Variants in HS3ST5 observed in about 807,000 individuals in gnomAD.
HS3ST5 encodes the protein heparan sulfate glucosamine 3-O-sulfotransferase 5.
HS3ST5 carries 10 observed loss-of-function variants against 25.4 expected under a neutral mutation model. The ratio of observed to expected loss-of-function variants is 0.39; its 90% CI spans 0.24 to 0.67. The LOEUF (loss-of-function observed/expected upper bound fraction) is 0.67, where lower values mean the gene tolerates loss of function less well. Among genes scored for constraint, HS3ST5 ranks in the 30% least tolerant of loss-of-function variants. HS3ST5 has a pLI of 0.44. For synonymous variants in HS3ST5, 170 were observed against 162.4 expected (o/e 1.05, Z -0.36); for missense variants, 324 against 420.7 (o/e 0.77, Z 2.01).
chr6:114,292,160 C>T (rs752287200), intron 1 of HS3ST5, among the ~76,000 whole-genome samples: 3 of 152,100 alleles, frequency 2.0e-5, no homozygotes, highest in Admixed American at 6.6e-5. Flanking sequence ...TATTGTAGCC[C>T]TTTGTAGACA....
intron 1 of HS3ST5, among the ~76,000 whole-genome samples, chr6:114,280,944 A>C (rs1338037105): frequency 6.6e-6 from 1 of 152,028 alleles, no homozygotes; most frequent in African/African-American, 2.4e-5. Flanking sequence ...GAGGGCACAC[A>C]CTTCTGCTTC....
rs1037118749 is a variant in HS3ST5 at position 114,056,538 on chromosome 6, A to G, written c.*719T>C. On this transcript the variant is annotated 3_prime_UTR_variant, in exon 5 of 5. Coordinates refer to ENST00000312719, the MANE Select transcript of HS3ST5 (RefSeq NM_153612.4). ...CACAATAAATTAAATAGCCATATTC[A>G]GTTTACAAAATAGAATTACTTAGTG... The G allele has an allele frequency of 6.6e-6, 1 of 152,206 alleles. No individual in the cohort carries two copies. Among genetic ancestry groups the G allele is most frequent in the Admixed American group, 6.5e-5 (1 of 15,288 alleles). The allele number at this position is 152,206 out of a possible 1,614,324, so 9.4% of individuals were successfully genotyped here. A position where few individuals can be genotyped will look rare whatever the true frequency, so the allele number is the denominator to read the frequency against.
At chr6:114,319,973 T>C (rs1775898827) in intron 1 of HS3ST5, among the ~76,000 whole-genome samples, 1 of 152,014 alleles carries the variant, frequency 6.6e-6, no homozygotes, top group Non-Finnish European at 1.5e-5. Flanking sequence ...AGTTTTTCAT[T>C]TGCATCCTTT....
intron 3 of HS3ST5, among the ~76,000 whole-genome samples, chr6:114,118,814 T>A (rs1776651085): frequency 6.6e-6 from 1 of 152,188 alleles, no homozygotes; most frequent in African/African-American, 2.4e-5. Context: ...AAATGGCACA[T>A]GTTACCTCTA....
chr6:114,115,997 G>A (rs142984318), intron 3 of HS3ST5: 79 of 151,992 alleles, frequency 5.2e-4, no homozygotes, highest in African/African-American at 1.9e-3. Context: ...TGATACTAAA[G>A]CATAAAATAA....
intron 3 of HS3ST5, among the ~76,000 whole-genome samples, chr6:114,070,901 G>T (rs1454409954): frequency 6.6e-6 from 1 of 152,152 alleles, no homozygotes; most frequent in Non-Finnish European, 1.5e-5. Context: ...GAGCTCCCAG[G>T]TGGTATCCCC....
intron 1 of HS3ST5, among the ~76,000 whole-genome samples, chr6:114,286,170 GA>G (rs1240346228): frequency 1.1e-4 from 17 of 151,720 alleles, no homozygotes; most frequent in South Asian, 8.3e-4. Flanking sequence ...GTATTTTTAA[GA>G]AAAAAATTAA....
intron 2 of HS3ST5, among the ~76,000 whole-genome samples, chr6:114,182,233 T>C (rs186177000): frequency 6.6e-6 from 1 of 152,308 alleles, no homozygotes; most frequent in East Asian, 1.9e-4. Context: ...TGATCATCCC[T>C]AAGCTGCTAT....
intron 3 of HS3ST5, among the ~76,000 whole-genome samples, chr6:114,122,049 A>G (rs533420259): frequency 3.9e-5 from 6 of 152,186 alleles, no homozygotes; most frequent in Admixed American, 1.3e-4. Context: ...CTCTTCCCTG[A>G]CCCAGTCCAG....
intron 3 of HS3ST5, among the ~76,000 whole-genome samples, chr6:114,063,080 A>C (rs2114708505): frequency 6.6e-6 from 1 of 152,352 alleles, no homozygotes; most frequent in South Asian, 2.1e-4. Flanking sequence ...TCAAATACTA[A>C]CTCAATGGGG....
chr6:114,326,245 C>T (rs145390622), intron 1 of HS3ST5, among the ~76,000 whole-genome samples: 5 of 152,114 alleles, frequency 3.3e-5, no homozygotes, highest in East Asian at 1.9e-4. Flanking sequence ...AAAAAATTAG[C>T]GGGGCATGGT....
chr6:114,317,065 G>A (rs773014168), intron 1 of HS3ST5, among the ~76,000 whole-genome samples: 1 of 152,120 alleles, frequency 6.6e-6, no homozygotes, highest in African/African-American at 2.4e-5. Context: ...TTGATTCAAA[G>A]CTCTGATTTA....
intron 3 of HS3ST5, among the ~76,000 whole-genome samples, chr6:114,124,807 G>A (rs548994282): frequency 1.3e-5 from 2 of 151,998 alleles, no homozygotes; most frequent in Non-Finnish European, 2.9e-5. Context: ...CGATTTTCAG[G>A]TTTACATTGT....
intron 3 of HS3ST5, among the ~76,000 whole-genome samples, chr6:114,134,460 G>A (rs1279370155): frequency 2.0e-5 from 3 of 152,190 alleles, no homozygotes; most frequent in Non-Finnish European, 4.4e-5. Flanking sequence ...GTGGCAGAGA[G>A]GCTAAAGGGG....
At chr6:114,157,427 A>C (rs1470468161) in intron 3 of HS3ST5, among the ~76,000 whole-genome samples, 2 of 152,132 alleles carry the variant, frequency 1.3e-5, no homozygotes, top group Non-Finnish European at 2.9e-5. Context: ...AGGGGCTGGG[A>C]GTTGCAGGGG....
At chr6:114,129,559 A>T (rs575492460) in intron 3 of HS3ST5, among the ~76,000 whole-genome samples, 1 of 152,254 alleles carries the variant, frequency 6.6e-6, no homozygotes, top group African/African-American at 2.4e-5. Context: ...CCAGCCAAGA[A>T]TCTTAATATA....
chr6:114,109,645 C>G (rs1776168717), intron 3 of HS3ST5, among the ~76,000 whole-genome samples: 1 of 152,158 alleles, frequency 6.6e-6, no homozygotes, highest in Non-Finnish European at 1.5e-5. Context: ...GCTCTCCTTT[C>G]TGGGAGGACC....
At chr6:114,179,368 CTAATCATTTAATATT>C (rs1172673650) in intron 2 of HS3ST5, among the ~76,000 whole-genome samples, 1 of 152,136 alleles carries the variant, frequency 6.6e-6, no homozygotes, top group African/African-American at 2.4e-5. Context: ...GTGCTAAATA[CTAATCATTTAATATT>C]TAATCATTTA....
chr6:114,131,206 A>G (rs1230593825), intron 3 of HS3ST5: 3 of 152,178 alleles, frequency 2.0e-5, no homozygotes, highest in African/African-American at 7.2e-5. Context: ...ATTGTCATAC[A>G]TTTCAGGAGC....
Sources: gnomAD v4.1 joint callset for allele counts (sites outside exome capture counted in the v4.1 genomes callset) on GRCh38, gnomAD v4.1.1 for gene constraint, MANE v1.5 for transcripts, NCBI Gene and HGNC (gene_info 2026-07-23, HGNC 2026-07-21) for gene names.